Variants in FXYD5 observed in about 807,000 individuals in gnomAD.
FXYD5 encodes the protein FXYD domain containing ion transport regulator 5.
FXYD5 carries 21 observed loss-of-function variants against 25.7 expected under a neutral mutation model. The ratio of observed to expected loss-of-function variants is 0.82; its 90% CI spans 0.58 to 1.18. The LOEUF (loss-of-function observed/expected upper bound fraction) is 1.18. FXYD5 is among the 50% of genes most tolerant of loss of function. The pLI, the probability that FXYD5 is intolerant of heterozygous loss-of-function variation, is 0.00. For missense variants in FXYD5, 229 were observed against 227.7 expected (o/e 1.01, Z -0.04); for synonymous variants, 101 against 90.7 (o/e 1.11, Z -0.64).
intron 5 of FXYD5, among the ~76,000 whole-genome samples, chr19:35,161,442 G>T (rs1026737802): frequency 6.6e-6 from 1 of 152,154 alleles, no homozygotes; most frequent in African/African-American, 2.4e-5. Flanking sequence ...TCACATACGT[G>T]GTGGCTAGAG....
rs1461602459 is a variant in FXYD5, at chr19:35,155,662, A to G, written c.61+51A>G. The G allele has an allele frequency of 4.4e-6, 6 of 1,362,056 alleles. No homozygotes were observed. The Middle Eastern group carries it at 5.3e-4, about 121-fold the overall frequency. 84.4% of individuals were successfully genotyped at this position (1,362,056 alleles called of 1,614,324 possible). A position where few individuals can be genotyped will look rare whatever the true frequency, so the allele number is the denominator to read the frequency against. On this transcript the variant is annotated intron_variant, in intron 2 of 8. Coordinates refer to ENST00000392219, the MANE Select transcript of FXYD5 (RefSeq NM_014164.6). ...CTGCCCCAGAGCCCCCAGCCAGGCC[A>G]GCCCCACGTGTGCTGCGGGGTGGGT...
At chr19:35,161,814 A>G (rs946254863) in intron 5 of FXYD5, among the ~76,000 whole-genome samples, 1 of 152,290 alleles carries the variant, frequency 6.6e-6, no homozygotes, top group East Asian at 1.9e-4. Flanking sequence ...AGAGTAGGCC[A>G]CTCCCAGAGA....
chr19:35,168,085 A>G (rs895030911), intron 8 of FXYD5, among the ~76,000 whole-genome samples: 1 of 152,136 alleles, frequency 6.6e-6, no homozygotes, highest in Non-Finnish European at 1.5e-5. Context: ...TAAAAAAAAA[A>G]AAGAATCAGT....
chr19:35,157,375 G>A (rs866111661), intron 2 of FXYD5, 46 bp from the exon 3 acceptor site: 2 of 1,021,290 alleles, frequency 2.0e-6, no homozygotes, highest in Non-Finnish European at 3.1e-6. Context: ...GTGGTGAGAG[G>A]AGGGGGACCA....
chr19:35,169,680 C>A lies in FXYD5; in HGVS notation c.*65C>A. 1.0e-6 allele frequency: 1 copy of A among 1,002,902 alleles called. No individual in the cohort carries two copies. The highest frequency in any genetic ancestry group is 1.6e-6 in the Non-Finnish European group (1 of 626,742). The allele number at this position is 1,002,902 out of a possible 1,614,324, so 62.1% of individuals were successfully genotyped here. ...GAAGACCAAGCCCCCTGCCAGCTCA[C>A]CGTGCCCAGCCTCCTGCATCCCCTC... is the stretch of plus-strand genomic sequence containing the variant. On this transcript the variant is annotated 3_prime_UTR_variant, in exon 9 of 9. Transcript: ENST00000392219.
At chr19:35,165,122 G>A (rs192867513) in intron 6 of FXYD5, among the ~76,000 whole-genome samples, 25 of 152,248 alleles carry the variant, frequency 1.6e-4, no homozygotes, top group Admixed American at 9.2e-4. Flanking sequence ...AAGGGGTTCC[G>A]ATCCAGACCC....
intron 3 of FXYD5, 152 bp from the exon 4 acceptor site, chr19:35,158,192 C>G: frequency 1.5e-6 from 1 of 645,890 alleles, no homozygotes; most frequent in Non-Finnish European, 2.9e-6. Flanking sequence ...TTACACATTT[C>G]GGCAGTTAGC....
chr19:35,167,457 A>AC (rs1426900045), intron 8 of FXYD5, among the ~76,000 whole-genome samples: 2 of 151,736 alleles, frequency 1.3e-5, no homozygotes, highest in African/African-American at 2.4e-5. Context: ...CTCTCCTCCC[A>AC]CCCCCCTGTC....
chr19:35,163,753 G>A (rs1023665716), intron 5 of FXYD5, among the ~76,000 whole-genome samples: 1 of 152,048 alleles, frequency 6.6e-6, no homozygotes, highest in Non-Finnish European at 1.5e-5. Context: ...AAGTGCTGGG[G>A]TTTACAGACA....
chr19:35,167,220 A>G (rs561387870), intron 8 of FXYD5, among the ~76,000 whole-genome samples: 1 of 152,302 alleles, frequency 6.6e-6, no homozygotes, highest in East Asian at 1.9e-4. Flanking sequence ...AGGCAGGGCA[A>G]TGAGATGGTG....
rs558916433 is a variant in FXYD5, at chr19:35,166,694, G to A, written c.487+369G>A. The A allele has an allele frequency of 8.6e-6, 3 of 348,108 alleles. No individual in the cohort carries two copies. The East Asian group carries it at 1.4e-4, about 16-fold the overall frequency. 21.6% of individuals were successfully genotyped at this position (348,108 alleles called of 1,614,324 possible). A position where few individuals can be genotyped will look rare whatever the true frequency, so the allele number is the denominator to read the frequency against. On this transcript the variant is annotated intron_variant, in intron 8 of 8. Transcript: ENST00000392219. ...TGGGCTTGTTCGCATGGTGGTGGCA[G>A]GGATCTAAGATAGAGTGAATGCATG...
At chr19:35,163,055 T>TA (rs1435386180) in intron 5 of FXYD5, among the ~76,000 whole-genome samples, 2 of 152,196 alleles carry the variant, frequency 1.3e-5, no homozygotes, top group Admixed American at 1.3e-4. Flanking sequence ...CCAGAGAGGT[T>TA]ACTCAGCTTG....
At chr19:35,155,424 T>C (rs2065344140) in intron 1 of FXYD5, 127 bp from the exon 2 acceptor site, 3 of 768,568 alleles carry the variant, frequency 3.9e-6, no homozygotes, top group Non-Finnish European at 4.5e-6. Flanking sequence ...CGTCAGCCCC[T>C]GGCAGGGGGT....
intron 5 of FXYD5, among the ~76,000 whole-genome samples, chr19:35,161,220 A>AC (rs1245272777): frequency 0.025 from 3,291 of 131,246 alleles, 140 homozygotes; most frequent in African/African-American, 0.095. Context: ...AATTCACCTT[A>AC]AACACACACA....
At chr19:35,158,279 T>C in intron 3 of FXYD5, 65 bp from the exon 4 acceptor site, 1 of 1,009,926 alleles carries the variant, frequency 9.9e-7, no homozygotes, top group Non-Finnish European at 1.6e-6. Context: ...TCTCCACCCA[T>C]AGACCTTGCC....
At chr19:35,157,864 C>A (rs746160336) in intron 3 of FXYD5, among the ~76,000 whole-genome samples, 2 of 152,282 alleles carry the variant, frequency 1.3e-5, no homozygotes, top group East Asian at 3.9e-4. Flanking sequence ...AGGCTCAGGT[C>A]GTATCCCTGA....
At chr19:35,165,571 T>C (rs2065443057) in intron 6 of FXYD5, among the ~76,000 whole-genome samples, 1 of 152,084 alleles carries the variant, frequency 6.6e-6, no homozygotes, top group Non-Finnish European at 1.5e-5. Context: ...AGCAAGGCCT[T>C]TATGACCTGT....
In FXYD5 at chr19:35,169,670, T is replaced by G; in HGVS notation, c.*55T>G. 8.5e-7 allele frequency: 1 copy of G among 1,182,852 alleles called. No homozygotes were observed. Among genetic ancestry groups the G allele is most frequent in the Non-Finnish European group, 1.3e-6 (1 of 788,012 alleles). The allele number at this position is 1,182,852 out of a possible 1,614,324, so 73.3% of individuals were successfully genotyped here. A position where few individuals can be genotyped will look rare whatever the true frequency, so the allele number is the denominator to read the frequency against. On this transcript the variant is annotated 3_prime_UTR_variant, in exon 9 of 9. Coordinates refer to ENST00000392219, the MANE Select transcript of FXYD5 (RefSeq NM_014164.6). ...CTGGGCACCCGAAGACCAAGCCCCCTGCCAGCTCACCGTGCCCAGCCTCCT... is the reference window on the plus strand; with the variant it reads ...CTGGGCACCCGAAGACCAAGCCCCCGGCCAGCTCACCGTGCCCAGCCTCCT...
intron 6 of FXYD5, among the ~76,000 whole-genome samples, chr19:35,165,817 G>C (rs1262569220): frequency 6.6e-6 from 1 of 152,166 alleles, no homozygotes; most frequent in African/African-American, 2.4e-5. Context: ...GCCCCACTGG[G>C]AAGGGAGTGA....
Sources: allele counts gnomAD v4.1 joint callset (sites outside exome capture counted in the v4.1 genomes callset), GRCh38; gene constraint gnomAD v4.1.1; transcripts MANE v1.5; gene names NCBI Gene and HGNC (gene_info 2026-07-23, HGNC 2026-07-21).